Variants in BTBD8 observed in about 807,000 individuals in gnomAD.
The protein encoded by BTBD8 is BTB domain containing 8.
Under a neutral mutation model 162.9 loss-of-function variants are expected in BTBD8, and 110 were observed. The observed-to-expected ratio is 0.68, with a 90% CI of 0.58 to 0.79. BTBD8 has a LOEUF of 0.79. BTBD8 is among the 30% of genes least tolerant of loss of function. The pLI, the probability that BTBD8 is intolerant of heterozygous loss-of-function variation, is 0.00. For synonymous variants in BTBD8, 667 were observed against 716.1 expected (o/e 0.93, Z 1.10); for missense variants, 1,905 against 2,085.4 (o/e 0.91, Z 1.68).
chr1:92,123,185 A>G (rs779179371), intron 4 of BTBD8, among the ~76,000 whole-genome samples: 1 of 152,160 alleles, frequency 6.6e-6, no homozygotes, highest in Non-Finnish European at 1.5e-5. Flanking sequence ...TGGACTCTCA[A>G]TTCTGTTCCA....
intron 9 of BTBD8, among the ~76,000 whole-genome samples, chr1:92,161,155 T>A (rs1312532271): frequency 6.6e-6 from 1 of 152,204 alleles, no homozygotes; most frequent in Non-Finnish European, 1.5e-5. Context: ...AACTAGTTTC[T>A]CAATTTCTCA....
chr1:92,107,677 T>G (rs1648770121), intron 3 of BTBD8, among the ~76,000 whole-genome samples: 2 of 151,642 alleles, frequency 1.3e-5, no homozygotes, highest in Non-Finnish European at 2.9e-5. Context: ...CATGACTATA[T>G]CTATATTTAC....
intron 9 of BTBD8, among the ~76,000 whole-genome samples, chr1:92,149,757 C>T (rs1650004455): frequency 6.6e-6 from 1 of 152,144 alleles, no homozygotes; most frequent in South Asian, 2.1e-4. Flanking sequence ...TCTTCCTTGC[C>T]CTGTATCCTC....
chr1:92,126,027 C>A, intron 4 of BTBD8: 1 of 474,618 alleles, frequency 2.1e-6, no homozygotes, highest in Admixed American at 2.4e-5. Flanking sequence ...TAGAAGAATC[C>A]ATATGGGAAG....
chr1:92,182,455 G>T lies in BTBD8; in HGVS notation c.4772G>T (p.Arg1591Ile), dbSNP rs766864273. ...ERPCHLDLHQREPNSDIPKNS... is the reference protein window; with the variant it reads ...ERPCHLDLHQIEPNSDIPKNS... ...CCATGTCACTTGGATCTTCATCAAAGAGAACCCAATTCTGACATACCAAAG... is the reference window on the plus strand; with the variant it reads ...CCATGTCACTTGGATCTTCATCAAATAGAACCCAATTCTGACATACCAAAG... The change falls in exon 17 of 18, where the codon AGA becomes ATA. Residue 1591 changes from arginine (R) to isoleucine (I), a missense_variant. Transcript: ENST00000636805. 22 of 1,551,488 alleles carry T rather than the reference G, an allele frequency of 1.4e-5. No homozygotes were observed. In the Middle Eastern group the frequency reaches 5.0e-4, roughly 35 times the overall value.
At chr1:92,163,699 C>T (rs1040690242) in intron 9 of BTBD8, among the ~76,000 whole-genome samples, 3 of 151,716 alleles carry the variant, frequency 2.0e-5, no homozygotes, top group Non-Finnish European at 4.4e-5. Flanking sequence ...TTTAAACTGT[C>T]GTTGTGTTAA....
chr1:92,116,857 CT>C (rs112709043), intron 4 of BTBD8, among the ~76,000 whole-genome samples: 9,964 of 141,912 alleles, frequency 0.07, 705 homozygotes, highest in African/African-American at 0.17. Context: ...TACCATTGTA[CT>C]TTTTTTTTTT....
intron 4 of BTBD8, among the ~76,000 whole-genome samples, chr1:92,126,625 G>T (rs1226705621): frequency 6.6e-6 from 1 of 152,118 alleles, no homozygotes; most frequent in Non-Finnish European, 1.5e-5. Context: ...TTTTTAATTT[G>T]GAGCAGTAAT....
intron 9 of BTBD8, among the ~76,000 whole-genome samples, chr1:92,161,557 AG>A (rs1650273669): frequency 6.6e-6 from 1 of 152,242 alleles, no homozygotes; most frequent in Non-Finnish European, 1.5e-5. Context: ...AGCGAAACAT[AG>A]GATAGTATTA....
chr1:92,147,790 A>C lies in BTBD8; in HGVS notation c.1122+4A>C. 3 of 1,602,096 alleles carry C rather than the reference A, an allele frequency of 1.9e-6. No individual in the cohort carries two copies. Among genetic ancestry groups the C allele is most frequent in the Non-Finnish European group, 2.6e-6 (3 of 1,171,958 alleles). The stretch of plus-strand genomic sequence containing the variant: ...TAATATGTTGATTCAGTCCTTAGTA[A>C]GTATAACCTGAATACTCTTTTGTGT... On this transcript the variant is annotated splice_donor_region_variant and intron_variant, in intron 9 of 17. Coordinates refer to ENST00000636805, the MANE Select transcript of BTBD8 (RefSeq NM_001376131.1).
chr1:92,119,248 C>T (rs1227402534), intron 4 of BTBD8, among the ~76,000 whole-genome samples: 1 of 151,164 alleles, frequency 6.6e-6, no homozygotes, highest in Non-Finnish European at 1.5e-5. Context: ...TTAGCTTAAT[C>T]ACAAACATGT....
At chr1:92,158,772 A>T (rs911164008) in intron 9 of BTBD8, among the ~76,000 whole-genome samples, 4 of 152,014 alleles carry the variant, frequency 2.6e-5, no homozygotes, top group Non-Finnish European at 4.4e-5. Context: ...AACCATGCTT[A>T]AAAAAATGAA....
At position 92,168,857 on chromosome 1, in the gene BTBD8, T is replaced by C; in HGVS notation, c.1444-9T>C. 1 of 1,502,530 alleles carries C rather than the reference T, an allele frequency of 6.7e-7. No homozygotes were observed. Among genetic ancestry groups the C allele is most frequent in the Non-Finnish European group, 9.0e-7 (1 of 1,109,860 alleles). 93.1% of individuals were successfully genotyped at this position (1,502,530 alleles called of 1,614,324 possible). ...TCTCACCAGCTGCTGATTTGTTGCT[T>C]GAACACAGGGTTTTACGTGCAAGAT... On this transcript the variant is annotated splice_polypyrimidine_tract_variant and intron_variant, in intron 11 of 17. Transcript: ENST00000636805.
chr1:92,181,289 T>C lies in BTBD8; in HGVS notation c.3606T>C (p.Phe1202=). Residue 1202 remains phenylalanine (F), a synonymous_variant, in exon 17 of 18, where the codon TTT becomes TTC. Transcript: ENST00000636805. ...TADSDVSSKC[F]SGQLSEKNSP... ...ACTCAGATGTATCTTCCAAGTGTTT[T>C]TCGGGACAGCTATCAGAAAAAAATT... The C allele has an allele frequency of 6.4e-7, 1 of 1,551,622 alleles. No individual in the cohort carries two copies.
At chr1:92,118,765 T>C (rs1029389488) in intron 4 of BTBD8, among the ~76,000 whole-genome samples, 2 of 151,640 alleles carry the variant, frequency 1.3e-5, no homozygotes, top group Admixed American at 6.6e-5. Context: ...TAGATACTTA[T>C]TTTGTACTTT....
chr1:92,147,520 T>A (rs1649952571), intron 8 of BTBD8, among the ~76,000 whole-genome samples, 164 bp from the exon 9 acceptor site: 2 of 152,318 alleles, frequency 1.3e-5, no homozygotes, highest in South Asian at 4.1e-4. Flanking sequence ...TTAAAATACA[T>A]GTTTACAGGA....
chr1:92,094,435 A>G (rs1648396335), intron 2 of BTBD8, among the ~76,000 whole-genome samples: 1 of 152,260 alleles, frequency 6.6e-6, no homozygotes, highest in Non-Finnish European at 1.5e-5. Context: ...GAAAATTCCC[A>G]TAAAATAATT....
intron 11 of BTBD8, 29 bp downstream of exon 11, chr1:92,168,014 T>G: frequency 6.6e-7 from 1 of 1,504,794 alleles, no homozygotes; most frequent in Non-Finnish European, 8.9e-7. Flanking sequence ...TTTATTAAAA[T>G]AATGCAATAT....
At chr1:92,138,085 G>T (rs940272989) in intron 5 of BTBD8, among the ~76,000 whole-genome samples, 1 of 152,162 alleles carries the variant, frequency 6.6e-6, no homozygotes, top group Non-Finnish European at 1.5e-5. Context: ...AAGGCAGGTT[G>T]TTTCAGCAGC....
Sources: gnomAD v4.1 joint callset for allele counts (sites outside exome capture counted in the v4.1 genomes callset) on GRCh38, gnomAD v4.1.1 for gene constraint, MANE v1.5 for transcripts, NCBI Gene and HGNC (gene_info 2026-07-23, HGNC 2026-07-21) for gene names.